Variants in MOXD1 observed in about 807,000 individuals in gnomAD.
MOXD1 encodes the protein DBH-like monooxygenase protein 1.
A neutral mutation model predicts 66.6 loss-of-function variants in MOXD1; 62 were observed. The observed-to-expected ratio is 0.93, with a 90% CI of 0.76 to 1.15. MOXD1 has a LOEUF of 1.15. Among genes scored for constraint, MOXD1 ranks in the 50% most tolerant of loss-of-function variants. The pLI, the probability that MOXD1 is intolerant of heterozygous loss-of-function variation, is 0.00. For synonymous variants in MOXD1, 303 were observed against 281.9 expected (o/e 1.07, Z -0.75); for missense variants, 847 against 754.6 (o/e 1.12, Z -1.44).
At chr6:132,337,303 C>T (rs111247155) in intron 4 of MOXD1, among the ~76,000 whole-genome samples, 4 of 152,302 alleles carry the variant, frequency 2.6e-5, no homozygotes, top group African/African-American at 9.6e-5. Flanking sequence ...TATGTATGTG[C>T]AATCATGCAT....
At chr6:132,304,396 C>T (rs1562276720) in intron 10 of MOXD1, among the ~76,000 whole-genome samples, 1 of 152,196 alleles carries the variant, frequency 6.6e-6, no homozygotes, top group East Asian at 1.9e-4. Flanking sequence ...GTTATCCCAC[C>T]CCAAGCCAAC....
intron 9 of MOXD1, 56 bp downstream of exon 9, chr6:132,320,573 A>G: frequency 7.1e-7 from 1 of 1,411,624 alleles, no homozygotes; most frequent in Non-Finnish European, 9.7e-7. Context: ...TTCTAAAATC[A>G]AGTTTATTTC....
intron 4 of MOXD1, among the ~76,000 whole-genome samples, chr6:132,335,266 C>T (rs1465030334): frequency 6.7e-6 from 1 of 150,042 alleles, no homozygotes; most frequent in Non-Finnish European, 1.5e-5. Flanking sequence ...ATAATGCTGG[C>T]TGAAAGAAAC....
rs757942033 is a variant in MOXD1, at chr6:132,313,776, G to A, written c.1508+1859C>T. Among the ~76,000 whole-genome samples, 5 of 152,002 alleles carry A rather than the reference G, an allele frequency of 3.3e-5. No individual in the cohort carries two copies. In the South Asian group the frequency reaches 6.2e-4, roughly 19 times the overall value. ...TAAAAATACAAAATATTAGCTGGGC[G>A]TGGTGGCGAGCGCCTGTAATCCCAG... is the stretch of plus-strand genomic sequence containing the variant. On this transcript the variant is annotated intron_variant, in intron 10 of 11. Coordinates refer to ENST00000367963, the MANE Select transcript of MOXD1 (RefSeq NM_015529.4).
At position 132,401,384 on chromosome 6, in the gene MOXD1, C is replaced by G; in HGVS notation, c.43G>C (p.Gly15Arg). 2 of 1,537,304 alleles carry G rather than the reference C, an allele frequency of 1.3e-6. No homozygotes were observed. The highest frequency in any genetic ancestry group is 1.7e-6 in the Non-Finnish European group (2 of 1,147,882). ...PLLLLWGLLP[G>R]TAAGGSGRTY... Reference sequence around the variant, plus strand: ...CGGCCCGAGCCCCCCGCCGCCGTCCCGGGGAGCAGCCCCCACAGCAGGAGC... The same window carrying G: ...CGGCCCGAGCCCCCCGCCGCCGTCCGGGGGAGCAGCCCCCACAGCAGGAGC... The change falls in exon 1 of 12, where the codon GGG (glycine) becomes CGG (arginine). Residue 15 changes from glycine to arginine, a missense_variant. Gly to Arg is a moderately radical substitution (Grantham distance 125). Transcript: ENST00000367963.
At chr6:132,370,948 T>C (rs886639303) in intron 4 of MOXD1, among the ~76,000 whole-genome samples, 6 of 152,148 alleles carry the variant, frequency 3.9e-5, no homozygotes, top group Non-Finnish European at 8.8e-5. Flanking sequence ...AAACATACAC[T>C]GACCTCCCTG....
rs543822323 is a variant in MOXD1 at position 132,372,477 on chromosome 6, G to T, written c.663+131C>A. 11 of 816,550 alleles carry T rather than the reference G, an allele frequency of 1.3e-5. No individual in the cohort carries two copies. In the African/African-American group the frequency reaches 1.4e-4, roughly 10 times the overall value. 50.6% of individuals were successfully genotyped at this position (816,550 alleles called of 1,614,324 possible). ...AAAAGTATGCAGGTCAGCCAAGCCAGTTCTTTTTTCTCTAAAAAACTTTCA... is the reference window on the plus strand; with the variant it reads ...AAAAGTATGCAGGTCAGCCAAGCCATTTCTTTTTTCTCTAAAAAACTTTCA... On this transcript the variant is annotated intron_variant, in intron 4 of 11. Coordinates refer to ENST00000367963, the MANE Select transcript of MOXD1 (RefSeq NM_015529.4).
At chr6:132,380,893 G>A (rs976086841) in intron 1 of MOXD1, among the ~76,000 whole-genome samples, 1 of 152,060 alleles carries the variant, frequency 6.6e-6, no homozygotes, top group Non-Finnish European at 1.5e-5. Flanking sequence ...TGGGAATGTT[G>A]TTGTGACCTT....
intron 1 of MOXD1, among the ~76,000 whole-genome samples, chr6:132,377,298 ATGTC>A (rs1776410800): frequency 6.6e-6 from 1 of 152,226 alleles, no homozygotes; most frequent in Admixed American, 6.5e-5. Context: ...TGAAATAACA[ATGTC>A]TGTAGACAAT....
At chr6:132,303,638 A>C (rs978348458) in intron 10 of MOXD1, among the ~76,000 whole-genome samples, 9 of 148,206 alleles carry the variant, frequency 6.1e-5, no homozygotes, top group Admixed American at 5.4e-4. Flanking sequence ...TTTTTATCTG[A>C]AGTTGGTTGA....
chr6:132,357,093 C>T (rs571408416), intron 4 of MOXD1, among the ~76,000 whole-genome samples: 22 of 152,086 alleles, frequency 1.4e-4, no homozygotes, highest in African/African-American at 5.3e-4. Flanking sequence ...GAGATAAAAA[C>T]TCAACAGTTG....
intron 10 of MOXD1, among the ~76,000 whole-genome samples, chr6:132,309,857 T>A (rs748051015): frequency 4.6e-5 from 7 of 152,174 alleles, no homozygotes; most frequent in African/African-American, 1.7e-4. Flanking sequence ...TTAACTCAGA[T>A]GGATTAAAGA....
intron 10 of MOXD1, among the ~76,000 whole-genome samples, chr6:132,299,889 C>CCTCTCT (rs3038133): frequency 1.4e-5 from 2 of 146,394 alleles, no homozygotes; most frequent in Non-Finnish European, 3.0e-5. Flanking sequence ...TTTCTCTCTC[C>CCTCTCT]CTCTCTCTCT....
At chr6:132,369,376 C>T (rs1427703927) in intron 4 of MOXD1, among the ~76,000 whole-genome samples, 1 of 152,092 alleles carries the variant, frequency 6.6e-6, no homozygotes, top group African/African-American at 2.4e-5. Context: ...CTTTTGCAGT[C>T]TGAAGTGAGA....
intron 4 of MOXD1, among the ~76,000 whole-genome samples, chr6:132,333,519 G>C (rs1002340789): frequency 6.6e-6 from 1 of 152,108 alleles, no homozygotes; most frequent in African/African-American, 2.4e-5. Context: ...CATGACCATA[G>C]AAAGTATACG....
intron 6 of MOXD1, 22 bp from the exon 7 acceptor site, chr6:132,324,119 A>C: frequency 6.3e-7 from 1 of 1,595,058 alleles, no homozygotes; most frequent in South Asian, 1.2e-5. Flanking sequence ...GCACATAATT[A>C]AAGTGATTTT....
intron 4 of MOXD1, among the ~76,000 whole-genome samples, chr6:132,340,256 A>C (rs552499929): frequency 1.1e-4 from 17 of 152,282 alleles, no homozygotes; most frequent in African/African-American, 4.1e-4. Context: ...AGCAACATTC[A>C]GTTGAAATAA....
chr6:132,322,763 T>A lies in MOXD1; in HGVS notation c.1221A>T (p.Glu407Asp). 1 of 1,614,124 alleles carries A rather than the reference T, an allele frequency of 6.2e-7. No individual in the cohort carries two copies. Among genetic ancestry groups the A allele is most frequent in the Non-Finnish European group, 8.5e-7 (1 of 1,180,000 alleles). ...CATCATCATAGGCAAGTAATTTCATTTCCTTCCCTTTTCGAAAATGACGCA... is the reference window on the plus strand; with the variant it reads ...CATCATCATAGGCAAGTAATTTCATATCCTTCCCTTTTCGAAAATGACGCA... ...IRLRHFRKGK[E>D]MKLLAYDDDF... Residue 407 changes from glutamate (E) to aspartate (D), a missense_variant, in exon 8 of 12, where the codon GAA becomes GAT. Glu to Asp is a conservative substitution (Grantham distance 45). Transcript: ENST00000367963.
chr6:132,329,180 G>A (rs1466037055), intron 4 of MOXD1, among the ~76,000 whole-genome samples: 2 of 152,066 alleles, frequency 1.3e-5, no homozygotes, highest in Non-Finnish European at 2.9e-5. Context: ...TGTTCTCATT[G>A]TTCAATTCCC....
Sources: allele counts gnomAD v4.1 joint callset (sites outside exome capture counted in the v4.1 genomes callset), GRCh38; gene constraint gnomAD v4.1.1; transcripts MANE v1.5; gene names NCBI Gene and HGNC (gene_info 2026-07-23, HGNC 2026-07-21).